The following KANSL1 variants were observed in gnomAD, a reference collection of about 807,000 sequenced individuals.
KANSL1 encodes the protein MLL1/MLL complex subunit KANSL1.
KANSL1 carries 22 observed loss-of-function variants against 103.6 expected under a neutral mutation model. The observed-to-expected ratio is 0.21, with a 90% CI of 0.15 to 0.30. The LOEUF (loss-of-function observed/expected upper bound fraction) is 0.30. Among genes scored for constraint, KANSL1 ranks in the 10% least tolerant of loss-of-function variants. The pLI, the probability that KANSL1 is intolerant of heterozygous loss-of-function variation, is 1.00. For synonymous variants in KANSL1, 600 were observed against 527.6 expected, an observed-to-expected ratio of 1.14 and a Z score of -1.88; for missense variants, 1,337 against 1,399.8, an observed-to-expected ratio of 0.96 and a Z score of 0.72.
chr17:46,133,969 G>A (rs2043996186), intron 2 of KANSL1, among the ~76,000 whole-genome samples: 1 of 152,190 alleles, frequency 6.6e-6, no homozygotes, highest in Admixed American at 6.5e-5. Context: ...TATTGTAGAA[G>A]ACTAGGAATG....
chr17:46,140,442 C>T (rs944736202), intron 2 of KANSL1, among the ~76,000 whole-genome samples: 6 of 151,986 alleles, frequency 3.9e-5, no homozygotes, highest in South Asian at 2.1e-4. Context: ...AGCATTGAAA[C>T]TCCTGGAAAA....
In KANSL1 at chr17:46,031,559, C is replaced by T. The variant is rs1001573190; in HGVS notation, c.3235G>A (p.Ala1079Thr). The part of the protein sequence containing the change: ...GSKTGRETEA[A>T]PTSPPIVPLK... ...GGGACAATGGGAGGCGAGGTGGGCG[C>T]TGCCTCTGTCTCCCGGCCAGTCTTG... Residue 1079 changes from alanine (A) to threonine (T), a missense_variant, in exon 15 of 15, where the codon GCG becomes ACG. Around this residue, in one of 2 missense-constraint regions of KANSL1, gnomAD observed 780 missense variants for 923.4 expected, o/e 0.84. Coordinates refer to ENST00000432791, the MANE Select transcript of KANSL1 (RefSeq NM_015443.4). 2 of 1,614,094 alleles carry T rather than the reference C, an allele frequency of 1.2e-6. No individual in the cohort carries two copies. Among genetic ancestry groups the T allele is most frequent in the Non-Finnish European group, 1.7e-6 (2 of 1,180,024 alleles).
At chr17:46,100,443 C>CAAAAAAA (rs1568448154) in intron 2 of KANSL1, among the ~76,000 whole-genome samples, 2 of 107,732 alleles carry the variant, frequency 1.9e-5, no homozygotes, top group Admixed American at 2.0e-4. Context: ...CTCCCTCTCC[C>CAAAAAAA]CAAAAAAAAA....
chr17:46,082,142 T>C (rs1319109463), intron 4 of KANSL1, among the ~76,000 whole-genome samples: 1 of 152,144 alleles, frequency 6.6e-6, no homozygotes, highest in Non-Finnish European at 1.5e-5. Flanking sequence ...GTCTCAGGTG[T>C]CAGAGCCACA....
At chr17:46,178,630 T>C (rs934350679) in intron 1 of KANSL1, among the ~76,000 whole-genome samples, 11 of 152,216 alleles carry the variant, frequency 7.2e-5, no homozygotes, top group Admixed American at 7.2e-4. Context: ...GGCTAGATAA[T>C]CAATAGTTTC....
chr17:46,179,144 T>C (rs539731155), intron 1 of KANSL1, among the ~76,000 whole-genome samples: 1 of 152,146 alleles, frequency 6.6e-6, no homozygotes, highest in Non-Finnish European at 1.5e-5. Context: ...CAATCAAAAA[T>C]GTCTCCAGAC....
intron 1 of KANSL1, among the ~76,000 whole-genome samples, chr17:46,182,822 T>C (rs957854279): frequency 6.6e-6 from 1 of 152,252 alleles, no homozygotes; most frequent in Non-Finnish European, 1.5e-5. Context: ...GCCGATGCTT[T>C]TAACTACTAC....
chr17:46,214,603 G>A (rs565776527), intron 1 of KANSL1, among the ~76,000 whole-genome samples: 62 of 152,314 alleles, frequency 4.1e-4, no homozygotes, highest in Non-Finnish European at 7.9e-4. Context: ...GCAGTGAGCC[G>A]AGATCGCGCC....
At chr17:46,052,794 TAA>T (rs35162336) in intron 6 of KANSL1, among the ~76,000 whole-genome samples, 99 of 118,296 alleles carry the variant, frequency 8.4e-4, no homozygotes, top group Non-Finnish European at 1.2e-3. Flanking sequence ...AATTTAAAAT[TAA>T]AAAAAAAAAA....
chr17:46,215,950 G>C (rs759183225), intron 1 of KANSL1, among the ~76,000 whole-genome samples: 1 of 152,190 alleles, frequency 6.6e-6, no homozygotes, highest in Non-Finnish European at 1.5e-5. Context: ...TGAGGCAAGA[G>C]AGTCGCTGGA....
chr17:46,076,056 C>CA (rs573837608), intron 4 of KANSL1, among the ~76,000 whole-genome samples: 49 of 152,292 alleles, frequency 3.2e-4, no homozygotes, highest in African/African-American at 1.2e-3. Flanking sequence ...GGAACAATGA[C>CA]AATTAGCTTT....
intron 2 of KANSL1, among the ~76,000 whole-genome samples, chr17:46,122,657 G>T (rs9910683): frequency 6.6e-6 from 1 of 152,072 alleles, no homozygotes; most frequent in African/African-American, 2.4e-5. Flanking sequence ...CCTGCATCAA[G>T]CAAGTCTATT....
chr17:46,224,865 A>AGCGC (rs1473098382), upstream of KANSL1: 19 of 151,482 alleles, frequency 1.3e-4, no homozygotes, highest in Admixed American at 1.2e-3. Context: ...GGGAGGGCAG[A>AGCGC]GCGCGGGGTG....
At chr17:46,054,875 TG>T (rs2077861475) in intron 6 of KANSL1, among the ~76,000 whole-genome samples, 1 of 148,898 alleles carries the variant, frequency 6.7e-6, no homozygotes, top group Non-Finnish European at 1.5e-5. Flanking sequence ...TTTTTTGAGA[TG>T]GAGTCTCGCT....
At chr17:46,183,934 G>C (rs1043445234) in intron 1 of KANSL1, among the ~76,000 whole-genome samples, 4 of 152,218 alleles carry the variant, frequency 2.6e-5, no homozygotes, top group African/African-American at 9.6e-5. Context: ...AGAAAGAAAT[G>C]AGTAGAATTC....
At chr17:46,047,166 G>A (rs2077541584) in intron 7 of KANSL1, among the ~76,000 whole-genome samples, 1 of 152,108 alleles carries the variant, frequency 6.6e-6, no homozygotes, top group Non-Finnish European at 1.5e-5. Context: ...CACAGCTAGG[G>A]GGTTTTGGTA....
intron 6 of KANSL1, among the ~76,000 whole-genome samples, chr17:46,058,062 T>TGAG (rs1424165598): frequency 6.6e-6 from 1 of 152,076 alleles, no homozygotes; most frequent in Non-Finnish European, 1.5e-5. Context: ...TTCACTGAGT[T>TGAG]GAGGAAGCAA....
chr17:46,034,480 T>TGGTC (rs1290188877), intron 10 of KANSL1, 195 bp from the exon 11 acceptor site: 49 of 537,970 alleles, frequency 9.1e-5, no homozygotes, highest in Non-Finnish European at 1.4e-4. Context: ...AAATACCAGG[T>TGGTC]GGTCATGAGG....
intron 1 of KANSL1, among the ~76,000 whole-genome samples, chr17:46,204,159 CAAACAT>C (rs940427237): frequency 3.5e-4 from 53 of 152,160 alleles, no homozygotes; most frequent in African/African-American, 1.2e-3. Context: ...ATCTCTAAAA[CAAACAT>C]AAACAAAAAG....
Sources: gnomAD v4.1 joint callset for allele counts (sites outside exome capture counted in the v4.1 genomes callset) on GRCh38, gnomAD v4.1.1 for gene constraint, gnomAD v4.1.1 regional missense constraint, MANE v1.5 for transcripts, NCBI Gene and HGNC (gene_info 2026-07-23, HGNC 2026-07-21) for gene names.